Variants in IPO7 observed in about 807,000 individuals in gnomAD.
The protein encoded by IPO7 is importin 7, also known as importin-7.
A neutral mutation model predicts 136.4 loss-of-function variants in IPO7; 13 were observed. That is an observed-to-expected ratio of 0.10 (90% CI 0.06 to 0.15). The LOEUF is 0.15. IPO7 is among the 10% of genes least tolerant of loss of function. The probability of loss-of-function intolerance (pLI) is 1.00; values close to 1 mark genes in which losing one functional copy is unlikely to be tolerated. For synonymous variants in IPO7, 403 were observed against 404.4 expected (o/e 1.00, Z 0.04); for missense variants, 857 against 1,240.6 (o/e 0.69, Z 4.65).
rs1348036531 is a variant in IPO7 at position 9,446,972 on chromosome 11, C to T, written c.*1778C>T. 6.6e-6 allele frequency: 1 copy of T among 152,084 alleles called. No individual in the cohort carries two copies. Among genetic ancestry groups the T allele is most frequent in the Non-Finnish European group, 1.5e-5 (1 of 68,024 alleles). 9.4% of individuals were successfully genotyped at this position (152,084 alleles called of 1,614,324 possible). On this transcript the variant is annotated 3_prime_UTR_variant, in exon 25 of 25. Transcript: ENST00000379719. ...CCCCGAAAATCCCCTGAAAGTTGGACACCAACTGTATACCCTAGGTTGCTT... is the reference window on the plus strand; with the variant it reads ...CCCCGAAAATCCCCTGAAAGTTGGATACCAACTGTATACCCTAGGTTGCTT...
At chr11:9,413,266 G>A (rs1342567696) in intron 4 of IPO7, among the ~76,000 whole-genome samples, 2 of 152,058 alleles carry the variant, frequency 1.3e-5, no homozygotes, top group African/African-American at 4.8e-5. Flanking sequence ...CACAATCTTG[G>A]CTCATAATTG....
rs1854523678 is a variant in IPO7, at chr11:9,384,683, G to A, written c.-81G>A. 6.0e-6 allele frequency: 7 copies of A among 1,176,322 alleles called. No homozygotes were observed. The highest frequency in any genetic ancestry group is 1.6e-5 in the African/African-American group (1 of 62,726). The allele number at this position is 1,176,322 out of a possible 1,614,324, so 72.9% of individuals were successfully genotyped here. A position where few individuals can be genotyped will look rare whatever the true frequency, so the allele number is the denominator to read the frequency against. ...GCGCCGGTTGCCGCTGCGGAGCGCG[G>A]CGGGTCCATGTGCGCAGTGAGTGGC... On this transcript the variant is annotated 5_prime_UTR_variant, in exon 1 of 25. Transcript: ENST00000379719.
At chr11:9,436,825 A>G (rs1590452394) in intron 20 of IPO7, among the ~76,000 whole-genome samples, 1 of 108,538 alleles carries the variant, frequency 9.2e-6, no homozygotes, top group Non-Finnish European at 1.7e-5. Flanking sequence ...GGTATACACC[A>G]CCACAACCGC....
At chr11:9,425,342 A>C (rs1855188379) in intron 12 of IPO7, 80 bp downstream of exon 12, 1 of 851,752 alleles carries the variant, frequency 1.2e-6, no homozygotes, top group Non-Finnish European at 2.0e-6. Flanking sequence ...ACAGTGGCTC[A>C]CTTCTATAAT....
chr11:9,447,663 A>G lies in IPO7; in HGVS notation c.*2469A>G, dbSNP rs1039040345. 2.7e-4 allele frequency: 41 copies of G among 152,064 alleles called. No individual in the cohort carries two copies. Among genetic ancestry groups the G allele is most frequent in the Non-Finnish European group, 5.4e-4 (37 of 68,004 alleles). The allele number at this position is 152,064 out of a possible 1,614,324, so 9.4% of individuals were successfully genotyped here. On this transcript the variant is annotated 3_prime_UTR_variant, in exon 25 of 25. Coordinates refer to ENST00000379719, the MANE Select transcript of IPO7 (RefSeq NM_006391.3). ...CCCTGTAATTTTTTTTTAGTTGTAG[A>G]AGTTAATTCTGATTTTGTGTGGATT...
At chr11:9,393,227 T>C (rs1854661606) in intron 1 of IPO7, among the ~76,000 whole-genome samples, 1 of 152,200 alleles carries the variant, frequency 6.6e-6, no homozygotes. Flanking sequence ...AGGTATGGGA[T>C]GGACTAGAGG....
At chr11:9,426,739 A>G (rs1241756997) in intron 12 of IPO7, among the ~76,000 whole-genome samples, 5 of 152,076 alleles carry the variant, frequency 3.3e-5, no homozygotes, top group Non-Finnish European at 7.4e-5. Flanking sequence ...TGCCCCAAAA[A>G]AATTGCTTGC....
intron 10 of IPO7, 71 bp downstream of exon 10, chr11:9,423,947 A>T (rs1318760365): frequency 1.2e-6 from 1 of 831,544 alleles, no homozygotes; most frequent in Non-Finnish European, 2.1e-6. Context: ...CATGTAGCCA[A>T]CCTAGGGGGT....
At position 9,445,781 on chromosome 11, in the gene IPO7, A is replaced by C. The variant is rs1257752915; in HGVS notation, c.*587A>C. 6.6e-6 allele frequency: 1 copy of C among 151,976 alleles called. No individual in the cohort carries two copies. The highest frequency in any genetic ancestry group is 6.6e-5 in the Admixed American group (1 of 15,226). The allele number at this position is 151,976 out of a possible 1,614,324, so 9.4% of individuals were successfully genotyped here. On this transcript the variant is annotated 3_prime_UTR_variant, in exon 25 of 25. Transcript: ENST00000379719. ...GTAGCACTACATAACTGATTATAAAAATCTGTAAATGAATTAGCACTTTCA... is the reference window on the plus strand; with the variant it reads ...GTAGCACTACATAACTGATTATAAACATCTGTAAATGAATTAGCACTTTCA...
intron 4 of IPO7, among the ~76,000 whole-genome samples, chr11:9,410,777 T>C (rs1292320350): frequency 6.6e-6 from 1 of 152,156 alleles, no homozygotes; most frequent in African/African-American, 2.4e-5. Flanking sequence ...CTATAGTTGA[T>C]AGGCACTTGA....
chr11:9,387,003 C>T (rs1854560355), intron 1 of IPO7, among the ~76,000 whole-genome samples: 1 of 152,094 alleles, frequency 6.6e-6, no homozygotes. Flanking sequence ...TCTCCCTCTC[C>T]CTTCTTCCAT....
intron 9 of IPO7, 34 bp from the exon 10 acceptor site, chr11:9,423,743 G>C (rs1855165525): frequency 1.5e-6 from 2 of 1,337,758 alleles, no homozygotes; most frequent in East Asian, 2.3e-5. Flanking sequence ...TTTGAAAACT[G>C]ATGGTTATTG....
At chr11:9,435,288 T>A (rs899192454) in intron 19 of IPO7, among the ~76,000 whole-genome samples, 1 of 152,172 alleles carries the variant, frequency 6.6e-6, no homozygotes, top group Non-Finnish European at 1.5e-5. Flanking sequence ...CATAGTCTTA[T>A]GGAATCAAAA....
intron 24 of IPO7, among the ~76,000 whole-genome samples, chr11:9,444,211 G>A (rs533212385): frequency 6.6e-6 from 1 of 150,736 alleles, no homozygotes; most frequent in South Asian, 2.1e-4. Flanking sequence ...CTGGGAGGCA[G>A]AGGTTGCAGT....
intron 8 of IPO7, among the ~76,000 whole-genome samples, chr11:9,422,078 G>A (rs559153303): frequency 3.9e-5 from 6 of 152,272 alleles, no homozygotes; most frequent in South Asian, 4.1e-4. Context: ...CCAGGAGTTC[G>A]AGACCAGCCT....
rs757418393 is a variant in IPO7 at position 9,446,229 on chromosome 11, A to T, written c.*1035A>T. ...ATTAAAAGAACTTAATTCGGCTATT[A>T]TGTCTTGATTTGATTGCAGTTTTTT... On this transcript the variant is annotated 3_prime_UTR_variant, in exon 25 of 25. Coordinates refer to ENST00000379719, the MANE Select transcript of IPO7 (RefSeq NM_006391.3). 28 of 152,198 alleles carry T rather than the reference A, an allele frequency of 1.8e-4. No individual in the cohort carries two copies. Among genetic ancestry groups the T allele is most frequent in the Non-Finnish European group, 3.8e-4 (26 of 68,020 alleles). The allele number at this position is 152,198 out of a possible 1,614,324, so 9.4% of individuals were successfully genotyped here. A position where few individuals can be genotyped will look rare whatever the true frequency, so the allele number is the denominator to read the frequency against.
chr11:9,408,708 T>TTTG, intron 3 of IPO7, 69 bp downstream of exon 3: 2 of 805,034 alleles, frequency 2.5e-6, no homozygotes. Flanking sequence ...TTTTTGGTTT[T>TTTG]TTTTTTTTTT....
At position 9,442,038 on chromosome 11, in the gene IPO7, C is replaced by G. The variant is rs762741989; in HGVS notation, c.2903-43C>G. 4.3e-6 allele frequency: 4 copies of G among 927,640 alleles called. No homozygotes were observed. The South Asian group carries it at 5.3e-5, about 12-fold the overall frequency. 57.5% of individuals were successfully genotyped at this position (927,640 alleles called of 1,614,324 possible). A position where few individuals can be genotyped will look rare whatever the true frequency, so the allele number is the denominator to read the frequency against. ...AGTGTAGAACGGAGCTACCAAGCCTCTCTTATTCATGTTGTTTTTCCCTTG... is the reference window on the plus strand; with the variant it reads ...AGTGTAGAACGGAGCTACCAAGCCTGTCTTATTCATGTTGTTTTTCCCTTG... On this transcript the variant is annotated intron_variant, in intron 23 of 24. Transcript: ENST00000379719.
Position 9,434,922 on chromosome 11 carries a change from T to C in IPO7, c.2075-12T>C. The C allele has an allele frequency of 1.3e-6, 2 of 1,521,174 alleles. No individual in the cohort carries two copies. The highest frequency in any genetic ancestry group is 2.3e-5 in the South Asian group (2 of 88,572). The allele number at this position is 1,521,174 out of a possible 1,614,324, so 94.2% of individuals were successfully genotyped here. On this transcript the variant is annotated splice_polypyrimidine_tract_variant and intron_variant, in intron 18 of 24. Transcript: ENST00000379719. ...ACTAAAGATGTGTAACCGATGTTTTTTATTAATACAGATATGATGCCCCTC... is the reference window on the plus strand; with the variant it reads ...ACTAAAGATGTGTAACCGATGTTTTCTATTAATACAGATATGATGCCCCTC...
Sources: gnomAD v4.1 joint callset for allele counts (sites outside exome capture counted in the v4.1 genomes callset) on GRCh38, gnomAD v4.1.1 for gene constraint, MANE v1.5 for transcripts, NCBI Gene and HGNC (gene_info 2026-07-23, HGNC 2026-07-21) for gene names.